Variants in HMBOX1 observed in about 807,000 individuals in gnomAD.
The protein encoded by HMBOX1 is homeobox-containing protein 1.
Under a neutral mutation model 54.5 loss-of-function variants are expected in HMBOX1, and 14 were observed. The observed-to-expected ratio is 0.26, with a 90% CI of 0.17 to 0.40. The LOEUF (loss-of-function observed/expected upper bound fraction) is 0.40. HMBOX1 is among the 10% of genes least tolerant of loss of function. HMBOX1 has a pLI of 1.00. For missense variants in HMBOX1, 332 were observed against 514.4 expected (o/e 0.65, Z 3.43); for synonymous variants, 160 against 181.0 (o/e 0.88, Z 0.93).
At chr8:28,927,268 G>A (rs183838787) in intron 1 of HMBOX1, among the ~76,000 whole-genome samples, 4 of 152,172 alleles carry the variant, frequency 2.6e-5, no homozygotes, top group East Asian at 1.9e-4. Flanking sequence ...TACCTACTGT[G>A]TATCCACAAA....
upstream of HMBOX1, chr8:28,890,124 C>A: frequency 1.8e-6 from 1 of 548,610 alleles, no homozygotes; most frequent in Non-Finnish European, 3.3e-6. Flanking sequence ...AGCTCAAATT[C>A]ATCCCAGCCG....
chr8:28,994,119 A>T (rs1281374906), intron 4 of HMBOX1, among the ~76,000 whole-genome samples: 1 of 144,592 alleles, frequency 6.9e-6, no homozygotes, highest in Non-Finnish European at 1.5e-5. Flanking sequence ...GCGAGCCAAG[A>T]TTGCGCTACT....
rs567674468 is a variant in HMBOX1, at chr8:28,922,986, G to A, written c.-58+32308G>A. Among the ~76,000 whole-genome samples, 72 of 152,072 alleles carry A rather than the reference G, an allele frequency of 4.7e-4. 1 individual carries two copies. Among genetic ancestry groups the A allele is most frequent in the African/African-American group, 1.7e-3 (69 of 41,474 alleles). ...ATCCCTTTTTTGTACTTGTTCTTTT[G>A]TTTTCTTAAAATTTAAAATTATGTA... is the stretch of plus-strand genomic sequence containing the variant. On this transcript the variant is annotated intron_variant, in intron 1 of 9. Coordinates refer to ENST00000287701, the MANE Select transcript of HMBOX1 (RefSeq NM_001135726.3).
intron 6 of HMBOX1, among the ~76,000 whole-genome samples, chr8:29,029,702 C>G (rs1326032624): frequency 6.6e-6 from 1 of 152,188 alleles, no homozygotes; most frequent in African/African-American, 2.4e-5. Flanking sequence ...ATTTTGAGAA[C>G]TTACGGTTAC....
At position 29,045,463 on chromosome 8, in the gene HMBOX1, C is replaced by G; in HGVS notation, c.934+20C>G. 6.3e-7 allele frequency: 1 copy of G among 1,599,272 alleles called. No homozygotes were observed. Among genetic ancestry groups the G allele is most frequent in the Non-Finnish European group, 8.6e-7 (1 of 1,166,744 alleles). On this transcript the variant is annotated intron_variant, in intron 7 of 9. Transcript: ENST00000287701. ...AGCCAGGTAAGGTCGCAGGCACAGC[C>G]TTGCTCTGCGGTGCAGCACAGCGCT...
At chr8:28,999,210 A>G (rs1164377081) in intron 4 of HMBOX1, among the ~76,000 whole-genome samples, 2 of 152,138 alleles carry the variant, frequency 1.3e-5, no homozygotes, top group Admixed American at 6.6e-5. Context: ...TCATCTGAAA[A>G]TGTCTTAATG....
intron 6 of HMBOX1, among the ~76,000 whole-genome samples, chr8:29,019,308 TA>T (rs1245552296): frequency 2.6e-5 from 4 of 152,220 alleles, no homozygotes; most frequent in Admixed American, 6.5e-5. Context: ...ATGGTCTAAG[TA>T]AGCTTTGTCC....
At chr8:28,994,863 C>T (rs1353011014) in intron 4 of HMBOX1, among the ~76,000 whole-genome samples, 1 of 152,066 alleles carries the variant, frequency 6.6e-6, no homozygotes, top group African/African-American at 2.4e-5. Flanking sequence ...AAGATGAAAG[C>T]ATCTTAGAAT....
chr8:28,945,227 A>G (rs1822211231), intron 1 of HMBOX1, among the ~76,000 whole-genome samples: 1 of 152,222 alleles, frequency 6.6e-6, no homozygotes, highest in Non-Finnish European at 1.5e-5. Flanking sequence ...CTGTATCTTT[A>G]GTTCTCATAC....
intron 4 of HMBOX1, among the ~76,000 whole-genome samples, chr8:29,005,570 GC>G (rs1833335174): frequency 6.6e-6 from 1 of 151,684 alleles, no homozygotes; most frequent in Non-Finnish European, 1.5e-5. Flanking sequence ...CATTTTTGGG[GC>G]GACTTTTTAA....
intron 1 of HMBOX1, among the ~76,000 whole-genome samples, chr8:28,918,793 A>G (rs1817035230): frequency 6.6e-6 from 1 of 152,224 alleles, no homozygotes; most frequent in Non-Finnish European, 1.5e-5. Flanking sequence ...CATCAATAAC[A>G]TAGTCATTTT....
At chr8:29,019,525 T>C (rs1352246993) in intron 6 of HMBOX1, among the ~76,000 whole-genome samples, 1 of 152,186 alleles carries the variant, frequency 6.6e-6, no homozygotes, top group Non-Finnish European at 1.5e-5. Flanking sequence ...ATAGTAGAAT[T>C]ATCTTTTTAG....
At chr8:29,041,747 CAG>C (rs1254492514) in intron 6 of HMBOX1, among the ~76,000 whole-genome samples, 1 of 151,924 alleles carries the variant, frequency 6.6e-6, no homozygotes, top group Non-Finnish European at 1.5e-5. Flanking sequence ...AAGGAGTTTA[CAG>C]AGTTATTCCA....
At chr8:28,963,283 C>T (rs1276898034) in intron 1 of HMBOX1, among the ~76,000 whole-genome samples, 1 of 152,198 alleles carries the variant, frequency 6.6e-6, no homozygotes, top group Admixed American at 6.5e-5. Context: ...CACGCCTGGC[C>T]TGTTTTTAAG....
chr8:28,927,315 CTT>C (rs748431108), intron 1 of HMBOX1, among the ~76,000 whole-genome samples: 16 of 152,226 alleles, frequency 1.1e-4, no homozygotes, highest in East Asian at 9.7e-4. Flanking sequence ...AAATAGTAAA[CTT>C]ATCACTTTTA....
chr8:28,999,956 CAT>C (rs1470516818), intron 4 of HMBOX1, among the ~76,000 whole-genome samples: 4 of 152,106 alleles, frequency 2.6e-5, no homozygotes, highest in African/African-American at 7.2e-5. Context: ...TTGCATGTCT[CAT>C]AAGTTTTGTT....
chr8:28,942,703 A>T (rs897924535), intron 1 of HMBOX1, among the ~76,000 whole-genome samples: 1 of 151,480 alleles, frequency 6.6e-6, no homozygotes, highest in Admixed American at 6.6e-5. Flanking sequence ...GAATTTTCTT[A>T]TTTTTTTTAA....
intron 1 of HMBOX1, among the ~76,000 whole-genome samples, chr8:28,901,505 C>T (rs1813223749): frequency 6.6e-6 from 1 of 152,166 alleles, no homozygotes; most frequent in Non-Finnish European, 1.5e-5. Flanking sequence ...CATAACATCT[C>T]TTAGATTATT....
In HMBOX1 at chr8:28,920,525, C is replaced by T. The variant is rs77148932; in HGVS notation, c.-58+29847C>T. ...GTGAGATTTATCTTTTTAAATGATT[C>T]TCTGTAAGCATGTATTCATTTATGC... On this transcript the variant is annotated intron_variant, in intron 1 of 9. Coordinates refer to ENST00000287701, the MANE Select transcript of HMBOX1 (RefSeq NM_001135726.3). Among the ~76,000 whole-genome samples the T allele has an allele frequency of 2.3e-3, 357 of 152,246 alleles. 17 individuals are homozygous for T. In the East Asian group the frequency reaches 0.059, roughly 25 times the overall value.
Sources: gnomAD v4.1 joint callset for allele counts (sites outside exome capture counted in the v4.1 genomes callset) on GRCh38, gnomAD v4.1.1 for gene constraint, MANE v1.5 for transcripts, NCBI Gene and HGNC (gene_info 2026-07-23, HGNC 2026-07-21) for gene names.